The following GMNN variants were observed in gnomAD, a reference collection of about 807,000 sequenced individuals.
The protein encoded by GMNN is geminin DNA replication inhibitor.
In GMNN, 14 loss-of-function variants were observed where a neutral mutation model predicts 20.9. That is an observed-to-expected ratio of 0.67 (90% confidence interval 0.44 to 1.05). GMNN has a LOEUF of 1.05. Ranked by LOEUF, GMNN falls within the 50% of genes least tolerant of loss-of-function variation. The probability of loss-of-function intolerance (pLI) is 0.00; values close to 1 mark genes in which losing one functional copy is unlikely to be tolerated. For synonymous variants in GMNN, 81 were observed against 85.8 expected (o/e 0.94, Z 0.31); for missense variants, 227 against 243.8 (o/e 0.93, Z 0.46).
intron 2 of GMNN, among the ~76,000 whole-genome samples, chr6:24,779,786 C>G (rs1562191843): frequency 6.6e-6 from 1 of 152,164 alleles, no homozygotes; most frequent in African/African-American, 2.4e-5. Flanking sequence ...ATGAAATATA[C>G]AGGAAGTTGT....
intron 2 of GMNN, among the ~76,000 whole-genome samples, chr6:24,780,208 G>A (rs1268286667): frequency 2.6e-5 from 4 of 152,202 alleles, no homozygotes; most frequent in Admixed American, 6.5e-5. Context: ...TTTAGTTTCT[G>A]TGTGGAAGAT....
intron 1 of GMNN, 36 bp downstream of exon 1, chr6:24,775,280 C>G (rs1433265556): frequency 6.6e-6 from 1 of 152,242 alleles, no homozygotes; most frequent in African/African-American, 2.4e-5. Context: ...GTCGCGGGAG[C>G]CGGGGCGGGG....
intron 2 of GMNN, among the ~76,000 whole-genome samples, chr6:24,779,620 TATC>T (rs1554196785): frequency 1.3e-5 from 2 of 152,222 alleles, no homozygotes; most frequent in Non-Finnish European, 2.9e-5. Context: ...GGTGAACTCT[TATC>T]ATGTGAAGTA....
In GMNN at chr6:24,785,957, T is replaced by C. The variant is rs1000390853; in HGVS notation, c.*158T>C. ...TGCATTAAAGTACAAATACTATGTATTTTTAATCTATGATGGTTTATGTGA... is the reference window on the plus strand; with the variant it reads ...TGCATTAAAGTACAAATACTATGTACTTTTAATCTATGATGGTTTATGTGA... On this transcript the variant is annotated 3_prime_UTR_variant, in exon 7 of 7. Transcript: ENST00000230056. The C allele has an allele frequency of 1.7e-5, 9 of 530,844 alleles. No homozygotes were observed. In the Admixed American group the frequency reaches 3.7e-4, roughly 22 times the overall value. 32.9% of individuals were successfully genotyped at this position (530,844 alleles called of 1,614,324 possible). A position where few individuals can be genotyped will look rare whatever the true frequency, so the allele number is the denominator to read the frequency against.
At position 24,777,146 on chromosome 6, in the gene GMNN, A is replaced by C. The variant is rs146264124; in HGVS notation, c.-25-76A>C. On this transcript the variant is annotated intron_variant, in intron 1 of 6. Transcript: ENST00000230056. ...AATAGTTCTACTGTACAATAGTATA[A>C]TTTTTATGATTGTAAGTATTTTAAA... 14 of 518,666 alleles carry C rather than the reference A, an allele frequency of 2.7e-5. No homozygotes were observed. The African/African-American group carries it at 2.8e-4, about 10-fold the overall frequency. The allele number at this position is 518,666 out of a possible 1,614,324, so 32.1% of individuals were successfully genotyped here. A position where few individuals can be genotyped will look rare whatever the true frequency, so the allele number is the denominator to read the frequency against.
chr6:24,777,405 A>G, intron 2 of GMNN, 108 bp downstream of exon 2: 2 of 489,494 alleles, frequency 4.1e-6, no homozygotes, highest in Non-Finnish European at 7.3e-6. Context: ...GTAAGCCTTG[A>G]GTTAGTCAGA....
At chr6:24,780,088 G>T (rs1036398886) in intron 2 of GMNN, among the ~76,000 whole-genome samples, 1 of 152,172 alleles carries the variant, frequency 6.6e-6, no homozygotes, top group Non-Finnish European at 1.5e-5. Context: ...ATTAGGGAAA[G>T]AAATATTTTG....
At chr6:24,783,901 A>C (rs1297474671) in intron 4 of GMNN, among the ~76,000 whole-genome samples, 186 bp from the exon 5 acceptor site, 1 of 152,064 alleles carries the variant, frequency 6.6e-6, no homozygotes, top group African/African-American at 2.4e-5. Flanking sequence ...TGTAATTCTG[A>C]AGGATTGAAA....
In GMNN at chr6:24,781,559, A is replaced by T; in HGVS notation, c.212A>T (p.Glu71Val). 6.4e-7 allele frequency: 1 copy of T among 1,561,554 alleles called. No homozygotes were observed. Among genetic ancestry groups the T allele is most frequent in the Non-Finnish European group, 8.7e-7 (1 of 1,143,684 alleles). ...TTSSPGVIVP[E>V]SSENKNLGGV... ...TCCAGCCCTGGGGTTATTGTCCCAG[A>T]ATCTAGTGAAAATAAAAATCTTGGA... The change falls in exon 4 of 7, where the codon GAA (glutamate) becomes GTA (valine). Residue 71 changes from glutamate to valine, a missense_variant. Coordinates refer to ENST00000230056, the MANE Select transcript of GMNN (RefSeq NM_015895.5).
At chr6:24,778,757 A>G (rs147768140) in intron 2 of GMNN, among the ~76,000 whole-genome samples, 118 of 152,282 alleles carry the variant, frequency 7.7e-4, no homozygotes, top group African/African-American at 2.7e-3. Flanking sequence ...AATTTTTGTT[A>G]TGAAATTTTT....
chr6:24,776,212 C>T (rs1310333787), intron 1 of GMNN, among the ~76,000 whole-genome samples: 1 of 152,156 alleles, frequency 6.6e-6, no homozygotes, highest in Non-Finnish European at 1.5e-5. Flanking sequence ...ATACTCCTGC[C>T]TCAGCCTCCC....
intron 6 of GMNN, among the ~76,000 whole-genome samples, chr6:24,785,408 G>GTGCTTT (rs2113586117): frequency 6.6e-6 from 1 of 151,950 alleles, no homozygotes; most frequent in East Asian, 1.9e-4. Flanking sequence ...AATAATTTCA[G>GTGCTTT]TGCTTTTTAA....
chr6:24,780,647 T>A lies in GMNN; in HGVS notation c.52-16T>A. 6.9e-7 allele frequency: 1 copy of A among 1,446,032 alleles called. No individual in the cohort carries two copies. Among genetic ancestry groups the A allele is most frequent in the Non-Finnish European group, 9.7e-7 (1 of 1,027,620 alleles). 89.6% of individuals were successfully genotyped at this position (1,446,032 alleles called of 1,614,324 possible). The stretch of plus-strand genomic sequence containing the variant: ...GCAACTCAGTAACAAGATAATGAAT[T>A]ATGCTGACTTTTTAGAATAGTTCTG... On this transcript the variant is annotated splice_polypyrimidine_tract_variant and intron_variant, in intron 2 of 6. Coordinates refer to ENST00000230056, the MANE Select transcript of GMNN (RefSeq NM_015895.5).
rs763963078 is a variant in GMNN, at chr6:24,780,673, T to G, written c.62T>G (p.Val21Gly). ...EIKENIKNSS[V>G]PRRTLKMIQP... is the part of the protein sequence containing the mutation. Reference sequence around the variant, plus strand: ...ATGCTGACTTTTTAGAATAGTTCTGTCCCAAGAAGAACTCTGAAGATGATT... The same window carrying G: ...ATGCTGACTTTTTAGAATAGTTCTGGCCCAAGAAGAACTCTGAAGATGATT... Residue 21 changes from valine (V) to glycine (G), a missense_variant, in exon 3 of 7, where the codon GTC becomes GGC. Val to Gly is a moderately radical substitution (Grantham distance 109, BLOSUM62 -3). Coordinates refer to ENST00000230056, the MANE Select transcript of GMNN (RefSeq NM_015895.5). 7 of 1,576,336 alleles carry G rather than the reference T, an allele frequency of 4.4e-6. No individual in the cohort carries two copies. The Admixed American group carries it at 1.2e-4, about 26-fold the overall frequency.
At chr6:24,777,189 G>T in intron 1 of GMNN, 33 bp from the exon 2 acceptor site, 3 of 690,010 alleles carry the variant, frequency 4.3e-6, no homozygotes, top group East Asian at 2.9e-5. Flanking sequence ...TCCACCTTCG[G>T]GGGTGCAAAC....
intron 5 of GMNN, 135 bp downstream of exon 5, chr6:24,784,304 A>T: frequency 1.5e-6 from 1 of 682,572 alleles, no homozygotes; most frequent in Non-Finnish European, 2.6e-6. Context: ...GCAGCTCTTG[A>T]CAATTATACA....
chr6:24,778,664 T>C (rs1320708898), intron 2 of GMNN, among the ~76,000 whole-genome samples: 1 of 150,826 alleles, frequency 6.6e-6, no homozygotes, highest in Non-Finnish European at 1.5e-5. Context: ...TATATTCGCA[T>C]TGACAATTTG....
intron 1 of GMNN, among the ~76,000 whole-genome samples, chr6:24,776,535 G>A (rs1780075236): frequency 6.6e-6 from 1 of 152,210 alleles, no homozygotes; most frequent in Non-Finnish European, 1.5e-5. Flanking sequence ...CTGAGTAAAG[G>A]CATGGCCACA....
At chr6:24,783,053 A>G (rs756040363) in intron 4 of GMNN, among the ~76,000 whole-genome samples, 1 of 152,210 alleles carries the variant, frequency 6.6e-6, no homozygotes, top group Non-Finnish European at 1.5e-5. Flanking sequence ...ATTCTTCACT[A>G]AAGTTCCATG....
Sources: gnomAD v4.1 joint callset for allele counts (sites outside exome capture counted in the v4.1 genomes callset) on GRCh38, gnomAD v4.1.1 for gene constraint, MANE v1.5 for transcripts, NCBI Gene and HGNC (gene_info 2026-07-23, HGNC 2026-07-21) for gene names.